The following FAM204A variants were observed in gnomAD, a reference collection of about 807,000 sequenced individuals.
The protein encoded by FAM204A is family with sequence similarity 204 member A, also known as protein FAM204A.
FAM204A carries 16 observed loss-of-function variants against 35.4 expected under a neutral mutation model. That is an observed-to-expected ratio of 0.45 (90% CI 0.31 to 0.69). FAM204A has a LOEUF of 0.69. Among genes scored for constraint, FAM204A ranks in the 30% least tolerant of loss-of-function variants. FAM204A has a pLI of 0.07. For synonymous variants in FAM204A, 76 were observed against 86.9 expected, an observed-to-expected ratio of 0.88 and a Z score of 0.70; for missense variants, 240 against 265.7, an observed-to-expected ratio of 0.90 and a Z score of 0.67.
chr10:118,333,820 A>C (rs763618824), intron 6 of FAM204A, among the ~76,000 whole-genome samples: 1 of 152,186 alleles, frequency 6.6e-6, no homozygotes, highest in Non-Finnish European at 1.5e-5. Flanking sequence ...CAGTTCCTTA[A>C]TGTATGCACC....
chr10:118,320,468 TTATCAATG>T (rs764844198), intron 7 of FAM204A, among the ~76,000 whole-genome samples: 8 of 151,870 alleles, frequency 5.3e-5, no homozygotes, highest in African/African-American at 9.7e-5. Context: ...TCAATGATCA[TTATCAATG>T]AATGGAATGT....
chr10:118,330,120 A>T (rs535123792), intron 6 of FAM204A, among the ~76,000 whole-genome samples: 145 of 152,350 alleles, frequency 9.5e-4, no homozygotes, highest in African/African-American at 3.4e-3. Flanking sequence ...TCTTTAAAAA[A>T]TGTAAATACA....
rs1325572966 is a variant in FAM204A, at chr10:118,335,261, AC to A, written c.354-49del. The A allele has an allele frequency of 5.7e-6, 9 of 1,569,524 alleles. No homozygotes were observed. The East Asian group carries it at 2.0e-4, about 35-fold the overall frequency. ...GTTTTATACAATATATACTGTCTTT[AC>A]TTTTACTGTTTTTAATCGGTTACTA... On this transcript the variant is annotated intron_variant, in intron 5 of 8. Coordinates refer to ENST00000369183, the MANE Select transcript of FAM204A (RefSeq NM_022063.3).
In FAM204A at chr10:118,309,840, T is replaced by TA. The variant is rs1348567631; in HGVS notation, c.*1016dup. On this transcript the variant is annotated 3_prime_UTR_variant, in exon 9 of 9. Transcript: ENST00000369183. Reference sequence around the variant, plus strand: ...CTCTTCTAAGAACCATCTCATAATTTAAAGAATGACATGGCTGAGAAAAAT... The same window carrying TA: ...CTCTTCTAAGAACCATCTCATAATTTAAAAGAATGACATGGCTGAGAAAAAT... 1 of 152,208 alleles carries TA rather than the reference T, an allele frequency of 6.6e-6. No homozygotes were observed. The highest frequency in any genetic ancestry group is 2.4e-5 in the African/African-American group (1 of 41,458). 9.4% of individuals were successfully genotyped at this position (152,208 alleles called of 1,614,324 possible). A position where few individuals can be genotyped will look rare whatever the true frequency, so the allele number is the denominator to read the frequency against.
chr10:118,316,750 TG>T (rs1348824464), intron 7 of FAM204A, among the ~76,000 whole-genome samples: 2 of 152,138 alleles, frequency 1.3e-5, no homozygotes, highest in African/African-American at 4.8e-5. Context: ...CATATATGTG[TG>T]TATATGTGCA....
chr10:118,326,803 C>A (rs1188028380), intron 6 of FAM204A, among the ~76,000 whole-genome samples: 1 of 152,128 alleles, frequency 6.6e-6, no homozygotes, highest in Non-Finnish European at 1.5e-5. Flanking sequence ...TCCTATAGCT[C>A]AGGACTTTCA....
intron 6 of FAM204A, among the ~76,000 whole-genome samples, chr10:118,329,050 G>A (rs1846247175): frequency 6.6e-6 from 1 of 152,142 alleles, no homozygotes; most frequent in African/African-American, 2.4e-5. Flanking sequence ...ACAAAGGCAA[G>A]GTCTTCAATT....
intron 6 of FAM204A, among the ~76,000 whole-genome samples, chr10:118,332,332 T>C (rs1218932029): frequency 6.6e-6 from 1 of 152,082 alleles, no homozygotes; most frequent in Admixed American, 6.5e-5. Context: ...TCTTTATCTG[T>C]ATTCTGAGAA....
rs1437121841 is a variant in FAM204A at position 118,307,725 on chromosome 10, T to TA, written c.*3131dup. The TA allele has an allele frequency of 6.6e-6, 1 of 152,234 alleles. No individual in the cohort carries two copies. The highest frequency in any genetic ancestry group is 1.9e-4 in the East Asian group (1 of 5,206). 9.4% of individuals were successfully genotyped at this position (152,234 alleles called of 1,614,324 possible). Reference sequence around the variant, plus strand: ...TGAATTAAATTCAAACTTGTCTTATTAAAGTTATTAATAAGCTAAAAGATA... The same window carrying TA: ...TGAATTAAATTCAAACTTGTCTTATTAAAAGTTATTAATAAGCTAAAAGATA... On this transcript the variant is annotated 3_prime_UTR_variant, in exon 9 of 9. Transcript: ENST00000369183.
chr10:118,302,823 T>C lies in FAM204A; in HGVS notation c.*8034A>G, dbSNP rs1168608951. The C allele has an allele frequency of 3.3e-5, 5 of 152,246 alleles. No homozygotes were observed. The highest frequency in any genetic ancestry group is 1.9e-4 in the East Asian group (1 of 5,202). The allele number at this position is 152,246 out of a possible 1,614,324, so 9.4% of individuals were successfully genotyped here. On this transcript the variant is annotated 3_prime_UTR_variant, in exon 9 of 9. Transcript: ENST00000369183. Reference sequence around the variant, plus strand: ...GGTTTGTGATAAGACATGTGCAAGTTGCACTGACTTGCTTTCCTCTTTCCC... The same window carrying C: ...GGTTTGTGATAAGACATGTGCAAGTCGCACTGACTTGCTTTCCTCTTTCCC...
At position 118,300,976 on chromosome 10, in the gene FAM204A, C is replaced by T. The variant is rs1285112625; in HGVS notation, c.*9881G>A. The T allele has an allele frequency of 6.6e-6, 1 of 152,206 alleles. No individual in the cohort carries two copies. Among genetic ancestry groups the T allele is most frequent in the Non-Finnish European group, 1.5e-5 (1 of 68,046 alleles). The allele number at this position is 152,206 out of a possible 1,614,324, so 9.4% of individuals were successfully genotyped here. On this transcript the variant is annotated 3_prime_UTR_variant, in exon 9 of 9. Coordinates refer to ENST00000369183, the MANE Select transcript of FAM204A (RefSeq NM_022063.3). ...ACACAGTAAGCATTATTAACAACAG[C>T]ACTTTACAAATAGAAATTTGTTGAG...
At chr10:118,326,281 G>T in intron 6 of FAM204A, 38 bp from the exon 7 acceptor site, 1 of 1,547,742 alleles carries the variant, frequency 6.5e-7, no homozygotes, top group South Asian at 1.1e-5. Context: ...GGGCTGGAAG[G>T]AAAGCAAACA....
At chr10:118,340,780 A>T (rs1018097144) in intron 2 of FAM204A, among the ~76,000 whole-genome samples, 6 of 152,132 alleles carry the variant, frequency 3.9e-5, no homozygotes, top group African/African-American at 1.4e-4. Flanking sequence ...TAATCTTCAC[A>T]ACAACCCTTC....
Position 118,300,234 on chromosome 10 carries a change from C to G in FAM204A, c.*10623G>C, listed in dbSNP as rs1845794340. 6.6e-6 allele frequency: 1 copy of G among 152,020 alleles called. No individual in the cohort carries two copies. The highest frequency in any genetic ancestry group is 6.6e-5 in the Admixed American group (1 of 15,262). 9.4% of individuals were successfully genotyped at this position (152,020 alleles called of 1,614,324 possible). ...TTTCTAGAGAGAGGGTCTGTAGCCCCCAGCAACTGAAAAACCAGTGGCACA... is the reference window on the plus strand; with the variant it reads ...TTTCTAGAGAGAGGGTCTGTAGCCCGCAGCAACTGAAAAACCAGTGGCACA... On this transcript the variant is annotated 3_prime_UTR_variant, in exon 9 of 9. Coordinates refer to ENST00000369183, the MANE Select transcript of FAM204A (RefSeq NM_022063.3).
chr10:118,298,466 G>A lies in FAM204A; in HGVS notation c.*12391C>T, dbSNP rs1483808133. ...TCTTCATTTTTATGTGTCAGAAAGC[G>A]TTCCTTGCATAAACAGGTGTTATTT... On this transcript the variant is annotated 3_prime_UTR_variant, in exon 9 of 9. Coordinates refer to ENST00000369183, the MANE Select transcript of FAM204A (RefSeq NM_022063.3). The A allele has an allele frequency of 1.3e-5, 2 of 152,124 alleles. No homozygotes were observed. 9.4% of individuals were successfully genotyped at this position (152,124 alleles called of 1,614,324 possible). A position where few individuals can be genotyped will look rare whatever the true frequency, so the allele number is the denominator to read the frequency against.
chr10:118,334,273 T>A (rs2133290265), intron 6 of FAM204A, among the ~76,000 whole-genome samples: 1 of 152,236 alleles, frequency 6.6e-6, no homozygotes, highest in Admixed American at 6.5e-5. Context: ...CTTCGTAACA[T>A]CACTATCCAC....
At chr10:118,334,699 C>T (rs905241890) in intron 6 of FAM204A, among the ~76,000 whole-genome samples, 3 of 152,202 alleles carry the variant, frequency 2.0e-5, no homozygotes, top group African/African-American at 4.8e-5. Context: ...ATATAGTGGG[C>T]TACCCTCCTC....
intron 7 of FAM204A, 29 bp downstream of exon 7, chr10:118,326,125 A>G (rs1846193981): frequency 1.9e-6 from 3 of 1,555,352 alleles, no homozygotes; most frequent in Non-Finnish European, 1.8e-6. Flanking sequence ...ATTTGAAAAT[A>G]CAGAAAATGT....
intron 7 of FAM204A, among the ~76,000 whole-genome samples, chr10:118,314,484 A>G (rs974426126): frequency 6.6e-6 from 1 of 152,222 alleles, no homozygotes; most frequent in Non-Finnish European, 1.5e-5. Context: ...TCTATGAAAG[A>G]GGCAGTTGAG....
Sources: gnomAD v4.1 joint callset for allele counts (sites outside exome capture counted in the v4.1 genomes callset) on GRCh38, gnomAD v4.1.1 for gene constraint, MANE v1.5 for transcripts, NCBI Gene and HGNC (gene_info 2026-07-23, HGNC 2026-07-21) for gene names.